The following ZFHX3 variants were observed in gnomAD, a reference collection of about 807,000 sequenced individuals.
ZFHX3 encodes the protein zinc finger homeobox protein 3.
In ZFHX3, 42 loss-of-function variants were observed where a neutral mutation model predicts 279.1. The observed-to-expected ratio is 0.15, with a 90% CI of 0.12 to 0.19. The LOEUF (loss-of-function observed/expected upper bound fraction) is 0.19, where lower values mean the gene tolerates loss of function less well. ZFHX3 is among the 10% of genes least tolerant of loss of function. The probability of loss-of-function intolerance (pLI) is 1.00; values close to 1 mark genes in which losing one functional copy is unlikely to be tolerated. For synonymous variants in ZFHX3, 2,293 were observed against 1,957.8 expected, an observed-to-expected ratio of 1.17 and a Z score of -4.52; for missense variants, 4,981 against 4,754.0, an observed-to-expected ratio of 1.05 and a Z score of -1.40.
chr16:73,058,498 G>GAA (rs998912286), intron 1 of ZFHX3: 7 of 135,566 alleles, frequency 5.2e-5, no homozygotes, highest in African/African-American at 1.5e-4. Flanking sequence ...GCGGCGGCGG[G>GAA]AAAAAAAAAA....
chr16:72,916,743 G>A (rs73590786), intron 3 of ZFHX3, among the ~76,000 whole-genome samples: 6,234 of 152,210 alleles, frequency 0.041, 162 homozygotes, highest in Middle Eastern at 0.071. Flanking sequence ...CCACGGCAAA[G>A]GATGGGTAGA....
intron 4 of ZFHX3, among the ~76,000 whole-genome samples, chr16:73,301,843 C>T (rs114979406): frequency 0.023 from 3,435 of 149,956 alleles, 118 homozygotes; most frequent in African/African-American, 0.08. Flanking sequence ...GCCTTTCTTA[C>T]GGCTTCAATC....
At position 72,946,624 on chromosome 16, in the gene ZFHX3, G is replaced by A. The variant is rs539880702; in HGVS notation, c.3216+3845C>T. On this transcript the variant is annotated intron_variant, in intron 3 of 9. Coordinates refer to ENST00000268489, the MANE Select transcript of ZFHX3 (RefSeq NM_006885.4). Reference sequence around the variant, plus strand: ...ACATTTCAGAGAGCTCACCATGGACGTCACTTGGCTGGGAATGCAAGATAA... The same window carrying A: ...ACATTTCAGAGAGCTCACCATGGACATCACTTGGCTGGGAATGCAAGATAA... Among the ~76,000 whole-genome samples the A allele has an allele frequency of 5.3e-5, 8 of 152,256 alleles. No individual in the cohort carries two copies. In the South Asian group the frequency reaches 1.0e-3, roughly 20 times the overall value.
chr16:72,867,261 T>A (rs2038045117), intron 4 of ZFHX3, among the ~76,000 whole-genome samples: 1 of 152,226 alleles, frequency 6.6e-6, no homozygotes, highest in South Asian at 2.1e-4. Context: ...TGGCATATTA[T>A]GTGATTACTC....
intron 4 of ZFHX3, among the ~76,000 whole-genome samples, chr16:73,293,114 C>T (rs1290789876): frequency 6.6e-6 from 1 of 152,162 alleles, no homozygotes; most frequent in Non-Finnish European, 1.5e-5. Flanking sequence ...TTTAGACCAA[C>T]CTACCAGAAG....
intron 5 of ZFHX3, among the ~76,000 whole-genome samples, chr16:73,148,522 C>T (rs141807463): frequency 2.7e-5 from 4 of 146,528 alleles, no homozygotes; most frequent in African/African-American, 5.0e-5. Flanking sequence ...TAAAGAATGG[C>T]CGCAAATGCG....
intron 1 of ZFHX3, among the ~76,000 whole-genome samples, chr16:73,685,458 T>C (rs1032789489): frequency 6.6e-5 from 10 of 152,180 alleles, no homozygotes; most frequent in African/African-American, 2.4e-4. Context: ...CTCTAAAAGC[T>C]GGAAAAGGTG....
At chr16:72,968,550 G>A (rs1177779418) in intron 1 of ZFHX3, among the ~76,000 whole-genome samples, 1 of 148,290 alleles carries the variant, frequency 6.7e-6, no homozygotes, top group East Asian at 2.0e-4. Context: ...AACCTCTGTC[G>A]CCCAGGTTCA....
chr16:72,887,885 G>C (rs2038670758), intron 4 of ZFHX3, among the ~76,000 whole-genome samples: 2 of 152,002 alleles, frequency 1.3e-5, no homozygotes, highest in Admixed American at 1.3e-4. Context: ...GTGCGCGCAC[G>C]TGCGAGAACG....
chr16:72,956,845 T>C (rs1460006192), intron 2 of ZFHX3, among the ~76,000 whole-genome samples: 1 of 124,456 alleles, frequency 8.0e-6, no homozygotes, highest in Non-Finnish European at 1.8e-5. Flanking sequence ...AAAAAAAACA[T>C]CTCTTTCATT....
At chr16:73,531,355 G>A (rs2019798802) in intron 2 of ZFHX3, among the ~76,000 whole-genome samples, 1 of 152,120 alleles carries the variant, frequency 6.6e-6, no homozygotes, top group Admixed American at 6.5e-5. Context: ...CACTAATCCA[G>A]AACTTACTTC....
At chr16:72,867,137 CTG>C (rs746553357) in intron 4 of ZFHX3, among the ~76,000 whole-genome samples, 63 of 152,308 alleles carry the variant, frequency 4.1e-4, no homozygotes, top group Non-Finnish European at 6.5e-4. Flanking sequence ...CAGCATGAGA[CTG>C]TCCAGGCGGC....
Position 73,816,268 on chromosome 16 carries a change from A to G in ZFHX3, c.-1608+75383T>C, listed in dbSNP as rs77144525. On this transcript the variant is annotated intron_variant, in intron 1 of 17. Transcript: ENST00000641206. Reference sequence around the variant, plus strand: ...ATCTAGTTGTGAAGATGACTGAGTCATGAAACATTAAATAATCTTAATGTA... The same window carrying G: ...ATCTAGTTGTGAAGATGACTGAGTCGTGAAACATTAAATAATCTTAATGTA... 8.3e-3 allele frequency among the ~76,000 whole-genome samples: 1,262 copies of G among 152,316 alleles called. 19 individuals carry two copies. Among genetic ancestry groups the G allele is most frequent in the African/African-American group, 0.029 (1,218 of 41,574 alleles).
intron 1 of ZFHX3, among the ~76,000 whole-genome samples, chr16:73,009,275 A>T (rs532857238): frequency 1.3e-5 from 2 of 152,290 alleles, no homozygotes; most frequent in African/African-American, 4.8e-5. Context: ...CGTTGAAGAA[A>T]TCTGTTTCCT....
At chr16:73,145,377 G>A (rs114959110) in intron 5 of ZFHX3, among the ~76,000 whole-genome samples, 4 of 152,214 alleles carry the variant, frequency 2.6e-5, no homozygotes, top group Non-Finnish European at 5.9e-5. Flanking sequence ...CTGGCTAATA[G>A]AGTGTCAGCT....
intron 4 of ZFHX3, among the ~76,000 whole-genome samples, chr16:73,298,646 T>A (rs2014981980): frequency 6.6e-6 from 1 of 152,138 alleles, no homozygotes. Context: ...GCTGTGATGC[T>A]CTTAACTGTG....
intron 2 of ZFHX3, among the ~76,000 whole-genome samples, chr16:73,509,870 A>G (rs533406866): frequency 6.6e-6 from 1 of 151,902 alleles, no homozygotes; most frequent in Non-Finnish European, 1.5e-5. Flanking sequence ...TGATTTTTGC[A>G]TTTTTAGTAG....
At chr16:73,268,141 T>C (rs2144976496) in intron 4 of ZFHX3, among the ~76,000 whole-genome samples, 1 of 152,340 alleles carries the variant, frequency 6.6e-6, no homozygotes, top group Non-Finnish European at 1.5e-5. Context: ...AATAAATGAC[T>C]GAAATCATAC....
chr16:73,606,842 C>G (rs1051124724), intron 2 of ZFHX3, among the ~76,000 whole-genome samples: 2 of 152,134 alleles, frequency 1.3e-5, no homozygotes, highest in African/African-American at 4.8e-5. Context: ...GTTTGGTTTT[C>G]TGTTCCTGGG....
Sources: allele counts gnomAD v4.1 joint callset (sites outside exome capture counted in the v4.1 genomes callset), GRCh38; gene constraint gnomAD v4.1.1; transcripts MANE v1.5; gene names NCBI Gene and HGNC (gene_info 2026-07-23, HGNC 2026-07-21).